Variants in NELL1 observed in about 807,000 individuals in gnomAD.
The protein encoded by NELL1 is protein kinase C-binding protein NELL1.
Under a neutral mutation model 107.4 loss-of-function variants are expected in NELL1, and 76 were observed. The observed-to-expected ratio is 0.71, with a 90% CI of 0.59 to 0.86. The LOEUF is 0.86. NELL1 is among the 40% of genes least tolerant of loss of function. The pLI, the probability that NELL1 is intolerant of heterozygous loss-of-function variation, is 0.00. For synonymous variants in NELL1, 353 were observed against 341.2 expected (o/e 1.03, Z -0.38); for missense variants, 1,024 against 1,005.5 (o/e 1.02, Z -0.25).
At chr11:21,241,904 A>ATTTTTT (rs10652603) in intron 14 of NELL1, among the ~76,000 whole-genome samples, 1 of 134,148 alleles carries the variant, frequency 7.5e-6, no homozygotes, top group Admixed American at 7.5e-5. Flanking sequence ...GTCTGTTTCT[A>ATTTTTT]TTTTTTTTTT....
chr11:21,551,296 A>G (rs557208744), intron 16 of NELL1, among the ~76,000 whole-genome samples: 37 of 152,126 alleles, frequency 2.4e-4, no homozygotes, highest in African/African-American at 8.7e-4. Flanking sequence ...AACAGGGACA[A>G]TTTGACTTCC....
intron 15 of NELL1, among the ~76,000 whole-genome samples, chr11:21,462,075 G>A (rs1316921164): frequency 6.6e-6 from 1 of 152,122 alleles, no homozygotes; most frequent in East Asian, 1.9e-4. Context: ...ATGGTCTTGT[G>A]TGTAGGTAAG....
intron 14 of NELL1, among the ~76,000 whole-genome samples, chr11:21,279,567 A>G (rs1391340722): frequency 6.6e-6 from 1 of 152,202 alleles, no homozygotes; most frequent in Non-Finnish European, 1.5e-5. Context: ...CTACACACCT[A>G]TTGGAATGGC....
chr11:21,022,469 T>C (rs887821715), intron 12 of NELL1, among the ~76,000 whole-genome samples: 1 of 152,144 alleles, frequency 6.6e-6, no homozygotes, highest in African/African-American at 2.4e-5. Context: ...ACACAGCTAC[T>C]AAATTGGGTT....
At chr11:21,241,670 A>C (rs1858363874) in intron 14 of NELL1, among the ~76,000 whole-genome samples, 1 of 152,104 alleles carries the variant, frequency 6.6e-6, no homozygotes, top group African/African-American at 2.4e-5. Context: ...GGAATGTTTA[A>C]CTAGGACTGA....
intron 14 of NELL1, among the ~76,000 whole-genome samples, chr11:21,307,519 C>T (rs1017016497): frequency 6.6e-6 from 1 of 151,952 alleles, no homozygotes; most frequent in Admixed American, 6.6e-5. Flanking sequence ...AGCAATGGCT[C>T]ATAATAAATG....
At chr11:20,806,108 T>G (rs1026052511) in intron 3 of NELL1, among the ~76,000 whole-genome samples, 1 of 151,744 alleles carries the variant, frequency 6.6e-6, no homozygotes, top group African/African-American at 2.4e-5. Context: ...AGTGATTACT[T>G]ACTGCTTATT....
At chr11:21,125,450 A>G (rs1855465746) in intron 13 of NELL1, among the ~76,000 whole-genome samples, 1 of 152,244 alleles carries the variant, frequency 6.6e-6, no homozygotes, top group African/African-American at 2.4e-5. Context: ...TTCTTAAAAA[A>G]AAAGGATTAT....
chr11:21,093,441 T>C (rs1358534561), intron 12 of NELL1, among the ~76,000 whole-genome samples: 1 of 152,194 alleles, frequency 6.6e-6, no homozygotes, highest in Admixed American at 6.5e-5. Context: ...CCAACAAAGA[T>C]TGTACTTGTC....
At position 20,861,562 on chromosome 11, in the gene NELL1, C is replaced by T. The variant is rs75634882; in HGVS notation, c.506+13809C>T. ...GCCCCTGCCCTTGAATCAGCATGTCCTGTCTCAGCTGCATAGCTAGGTGAG... is the reference window on the plus strand; with the variant it reads ...GCCCCTGCCCTTGAATCAGCATGTCTTGTCTCAGCTGCATAGCTAGGTGAG... On this transcript the variant is annotated intron_variant, in intron 4 of 19. Transcript: ENST00000357134. Among the ~76,000 whole-genome samples, 680 of 152,338 alleles carry T rather than the reference C, an allele frequency of 4.5e-3. 5 individuals carry two copies. Among genetic ancestry groups the T allele is most frequent in the African/African-American group, 0.015 (637 of 41,572 alleles).
At chr11:20,801,158 G>A (rs1245154546) in intron 3 of NELL1, among the ~76,000 whole-genome samples, 2 of 152,160 alleles carry the variant, frequency 1.3e-5, no homozygotes, top group African/African-American at 2.4e-5. Flanking sequence ...TGAATGTAAA[G>A]TTAGGAGAAA....
At position 21,450,267 on chromosome 11, in the gene NELL1, A is replaced by G. The variant is rs113474476; in HGVS notation, c.1645+79319A>G. Among the ~76,000 whole-genome samples, 114 of 152,324 alleles carry G rather than the reference A, an allele frequency of 7.5e-4. 1 individual carries two copies. Among genetic ancestry groups the G allele is most frequent in the African/African-American group, 2.6e-3 (109 of 41,572 alleles). On this transcript the variant is annotated intron_variant, in intron 15 of 19. Transcript: ENST00000357134. ...CATCTGTGTCATTCTCTTTTTTATT[A>G]TAATGTCATTGTAATCACTCTGGAA...
intron 8 of NELL1, among the ~76,000 whole-genome samples, chr11:20,927,877 T>G (rs2134172613): frequency 6.6e-6 from 1 of 152,358 alleles, no homozygotes; most frequent in East Asian, 1.9e-4. Context: ...AGGCATTTCC[T>G]CCCTGACTCA....
At chr11:20,712,069 C>T (rs1855125871) in intron 2 of NELL1, among the ~76,000 whole-genome samples, 1 of 152,050 alleles carries the variant, frequency 6.6e-6, no homozygotes, top group Admixed American at 6.6e-5. Context: ...ATTTTTCTTT[C>T]TCCTCAGGAG....
intron 13 of NELL1, among the ~76,000 whole-genome samples, chr11:21,184,762 G>A (rs1856897477): frequency 6.6e-6 from 1 of 151,778 alleles, no homozygotes; most frequent in African/African-American, 2.4e-5. Context: ...TTTGATTGAA[G>A]TGAAATCGTG....
intron 7 of NELL1, among the ~76,000 whole-genome samples, chr11:20,925,280 A>G (rs1007053708): frequency 6.6e-6 from 1 of 151,862 alleles, no homozygotes; most frequent in Non-Finnish European, 1.5e-5. Flanking sequence ...GTTTTGTTGT[A>G]TTAATTTATT....
chr11:20,737,708 T>C (rs1194910835), intron 2 of NELL1, among the ~76,000 whole-genome samples: 1 of 152,088 alleles, frequency 6.6e-6, no homozygotes, highest in African/African-American at 2.4e-5. Context: ...TATTATTAGT[T>C]GTATTATTCC....
chr11:21,541,477 AATG>A (rs1856291007), intron 16 of NELL1, among the ~76,000 whole-genome samples: 1 of 152,092 alleles, frequency 6.6e-6, no homozygotes, highest in Admixed American at 6.6e-5. Flanking sequence ...ATGGCCTAAG[AATG>A]ATTTTGCTTT....
chr11:21,385,540 T>C (rs1851725155), intron 15 of NELL1, among the ~76,000 whole-genome samples: 1 of 151,846 alleles, frequency 6.6e-6, no homozygotes, highest in South Asian at 2.1e-4. Context: ...CCCTCCATCC[T>C]ACCTCCTAGT....
Sources: gnomAD v4.1 joint callset for allele counts (sites outside exome capture counted in the v4.1 genomes callset) on GRCh38, gnomAD v4.1.1 for gene constraint, MANE v1.5 for transcripts, NCBI Gene and HGNC (gene_info 2026-07-23, HGNC 2026-07-21) for gene names.